NTM: variants seen among roughly 807,000 people sequenced by gnomAD.
The protein encoded by NTM is IgLON family member 2.
In NTM, 13 loss-of-function variants were observed where a neutral mutation model predicts 42.1. The ratio of observed to expected loss-of-function variants is 0.31; its 90% CI spans 0.20 to 0.49. NTM has a LOEUF of 0.49. Ranked by LOEUF, NTM falls within the 20% of genes least tolerant of loss-of-function variation. The pLI, the probability that NTM is intolerant of heterozygous loss-of-function variation, is 0.99. For missense variants in NTM, 373 were observed against 452.8 expected (o/e 0.82, Z 1.60); for synonymous variants, 187 against 179.2 (o/e 1.04, Z -0.35).
In NTM at chr11:132,260,686, G is replaced by A. The variant is rs967675354; in HGVS notation, c.527-47003G>A. ...AAAAAATGATTTTATTCACAATCTG[G>A]CCAAACTGGCTTGTTCTGGCTGAAG... On this transcript the variant is annotated intron_variant, in intron 4 of 8. Coordinates refer to ENST00000683400, the MANE Select transcript of NTM (RefSeq NM_001352005.2). Among the ~76,000 whole-genome samples the A allele has an allele frequency of 9.1e-4, 139 of 152,242 alleles. 1 individual carries two copies. The highest frequency in any genetic ancestry group is 3.3e-3 in the African/African-American group (136 of 41,546).
At chr11:132,021,000 C>A (rs1386365292) in intron 2 of NTM, among the ~76,000 whole-genome samples, 1 of 152,002 alleles carries the variant, frequency 6.6e-6, no homozygotes, top group East Asian at 1.9e-4. Context: ...TTCCTCTTTG[C>A]TCTCCTTATG....
chr11:132,088,592 C>T (rs939545655), intron 2 of NTM, among the ~76,000 whole-genome samples: 7 of 152,226 alleles, frequency 4.6e-5, no homozygotes, highest in African/African-American at 7.2e-5. Flanking sequence ...GAAGAAGCCA[C>T]GCTCTTCCCC....
chr11:131,434,236 C>T (rs184895337), intron 1 of NTM, among the ~76,000 whole-genome samples: 27 of 152,238 alleles, frequency 1.8e-4, no homozygotes, highest in East Asian at 7.7e-4. Flanking sequence ...TGAATAGTGC[C>T]GCAGTAAACA....
At chr11:132,128,493 G>C (rs2066239734) in intron 2 of NTM, among the ~76,000 whole-genome samples, 1 of 152,084 alleles carries the variant, frequency 6.6e-6, no homozygotes, top group Non-Finnish European at 1.5e-5. Flanking sequence ...ACTGGCCCCA[G>C]GCTGTCCAGA....
At chr11:131,915,059 C>T (rs1486335962) in intron 2 of NTM, among the ~76,000 whole-genome samples, 1 of 152,184 alleles carries the variant, frequency 6.6e-6, no homozygotes, top group Non-Finnish European at 1.5e-5. Flanking sequence ...ATACATAGTA[C>T]TATCATTGGT....
In NTM at chr11:131,465,740, G is replaced by A. The variant is rs534078594; in HGVS notation, c.82+94852G>A. Among the ~76,000 whole-genome samples, 178 of 152,330 alleles carry A rather than the reference G, an allele frequency of 1.2e-3. 2 individuals carry two copies. Among genetic ancestry groups the A allele is most frequent in the African/African-American group, 4.0e-3 (166 of 41,568 alleles). On this transcript the variant is annotated intron_variant, in intron 1 of 8. Transcript: ENST00000683400. ...GGGCCATTGTTAGCACAGACAGACAGGACTAGATACTCCCCTGAATGCACC... is the reference window on the plus strand; with the variant it reads ...GGGCCATTGTTAGCACAGACAGACAAGACTAGATACTCCCCTGAATGCACC...
At chr11:131,987,032 T>C (rs1339046198) in intron 2 of NTM, among the ~76,000 whole-genome samples, 7 of 152,206 alleles carry the variant, frequency 4.6e-5, no homozygotes, top group African/African-American at 1.7e-4. Flanking sequence ...GGATCTTTTA[T>C]TCCAAGCAAA....
rs143360474 is a variant in NTM, at chr11:131,927,614, G to T, written c.167+15966G>T. Among the ~76,000 whole-genome samples the T allele has an allele frequency of 1.1e-3, 163 of 152,306 alleles. 3 individuals are homozygous for T. In the East Asian group the frequency reaches 0.024, roughly 22 times the overall value. On this transcript the variant is annotated intron_variant, in intron 2 of 8. Coordinates refer to ENST00000683400, the MANE Select transcript of NTM (RefSeq NM_001352005.2). ...TTCTGCTGATTCCTTTAAGCACACA[G>T]TTTCAACAGACTTTCAAAATACTAT...
chr11:132,107,953 C>G (rs11605616), intron 2 of NTM, among the ~76,000 whole-genome samples: 158 of 152,280 alleles, frequency 1.0e-3, no homozygotes, highest in Non-Finnish European at 1.8e-3. Flanking sequence ...CCACTGAGTT[C>G]CTGACTTATA....
At chr11:132,129,981 T>G (rs2137059742) in intron 2 of NTM, among the ~76,000 whole-genome samples, 1 of 152,360 alleles carries the variant, frequency 6.6e-6, no homozygotes, top group Middle Eastern at 3.4e-3. Context: ...CTTTACAGCC[T>G]TCCTCTTTCT....
At chr11:131,964,912 T>C (rs745461243) in intron 2 of NTM, among the ~76,000 whole-genome samples, 2 of 152,180 alleles carry the variant, frequency 1.3e-5, no homozygotes, top group Non-Finnish European at 2.9e-5. Flanking sequence ...TTGTTGACCT[T>C]AACCTTCAGA....
chr11:131,380,799 G>A (rs1942580420), intron 1 of NTM, among the ~76,000 whole-genome samples: 2 of 152,154 alleles, frequency 1.3e-5, no homozygotes. Context: ...GACTCAAGGT[G>A]AGCTATTGTT....
chr11:131,540,156 T>G (rs2052994935), intron 1 of NTM, among the ~76,000 whole-genome samples: 1 of 3,668 alleles, frequency 2.7e-4, no homozygotes, highest in Non-Finnish European at 5.5e-4. Flanking sequence ...TTAAGCTTGT[T>G]TTTTTTTTTT....
In NTM at chr11:131,598,556, C is replaced by A. The variant is rs113358335; in HGVS notation, c.82+227668C>A. 9.1e-4 allele frequency among the ~76,000 whole-genome samples: 138 copies of A among 152,192 alleles called. 2 individuals are homozygous for A. Among genetic ancestry groups the A allele is most frequent in the African/African-American group, 3.3e-3 (136 of 41,536 alleles). On this transcript the variant is annotated intron_variant, in intron 1 of 8. Coordinates refer to ENST00000683400, the MANE Select transcript of NTM (RefSeq NM_001352005.2). ...TGTGTGCACTCGGGGCGGAGAGCTC[C>A]CCCCTCCATTAGTCACTGGGGTCCC...
At chr11:131,501,960 A>G (rs1565571297) in intron 1 of NTM, among the ~76,000 whole-genome samples, 1 of 152,158 alleles carries the variant, frequency 6.6e-6, no homozygotes, top group Non-Finnish European at 1.5e-5. Flanking sequence ...AGTTTGAGAC[A>G]TCTGTTAGAC....
At chr11:131,409,301 A>C (rs1483670432) in intron 1 of NTM, among the ~76,000 whole-genome samples, 5 of 152,248 alleles carry the variant, frequency 3.3e-5, no homozygotes, top group Non-Finnish European at 7.3e-5. Flanking sequence ...ACCCCTTTGC[A>C]CTTTGAGTCC....
At chr11:131,507,875 T>G (rs1161199667) in intron 1 of NTM, among the ~76,000 whole-genome samples, 1 of 151,954 alleles carries the variant, frequency 6.6e-6, no homozygotes, top group Admixed American at 6.6e-5. Context: ...TGTTGGTGTA[T>G]AAGAATGCTT....
chr11:131,851,532 C>CGCGCGCGT (rs147213224), intron 1 of NTM, among the ~76,000 whole-genome samples: 26 of 146,702 alleles, frequency 1.8e-4, no homozygotes, highest in Non-Finnish European at 2.7e-4. Context: ...GTGAGAATGG[C>CGCGCGCGT]GTGTGTGTGT....
chr11:131,640,063 G>A (rs563435116), intron 1 of NTM, among the ~76,000 whole-genome samples: 10 of 152,304 alleles, frequency 6.6e-5, no homozygotes, highest in African/African-American at 9.6e-5. Flanking sequence ...ACATGGGGGC[G>A]TCCATCCCGG....
Sources: gnomAD v4.1 joint callset for allele counts (sites outside exome capture counted in the v4.1 genomes callset) on GRCh38, gnomAD v4.1.1 for gene constraint, MANE v1.5 for transcripts, NCBI Gene and HGNC (gene_info 2026-07-23, HGNC 2026-07-21) for gene names.